The following FAM107B variants were observed in gnomAD, a reference collection of about 807,000 sequenced individuals.
FAM107B encodes the protein protein FAM107B.
FAM107B carries 21 observed loss-of-function variants against 31.5 expected under a neutral mutation model. That is an observed-to-expected ratio of 0.67 (90% CI 0.47 to 0.96). The LOEUF is 0.96. FAM107B is among the 40% of genes least tolerant of loss of function. FAM107B has a pLI of 0.00. For synonymous variants in FAM107B, 157 were observed against 141.5 expected, an observed-to-expected ratio of 1.11 and a Z score of -0.78; for missense variants, 452 against 377.1, an observed-to-expected ratio of 1.20 and a Z score of -1.64.
At chr10:14,702,509 A>C (rs1855424520) in intron 1 of FAM107B, among the ~76,000 whole-genome samples, 1 of 151,822 alleles carries the variant, frequency 6.6e-6, no homozygotes, top group African/African-American at 2.4e-5. Flanking sequence ...ACAACACCCA[A>C]ATACTTTTTT....
chr10:14,618,865 T>C (rs1852921217), intron 2 of FAM107B, among the ~76,000 whole-genome samples: 1 of 151,778 alleles, frequency 6.6e-6, no homozygotes, highest in South Asian at 2.1e-4. Flanking sequence ...GATGATGTAA[T>C]TAAGATGAGG....
At chr10:14,555,908 C>CACACAG (rs1849655453) in intron 2 of FAM107B, 1 of 154,186 alleles carries the variant, frequency 6.5e-6, no homozygotes, top group Non-Finnish European at 1.4e-5. Flanking sequence ...CACACACACA[C>CACACAG]ACACACACAC....
chr10:14,631,657 C>G (rs1018793122), intron 2 of FAM107B, among the ~76,000 whole-genome samples: 2 of 152,094 alleles, frequency 1.3e-5, no homozygotes, highest in African/African-American at 4.8e-5. Flanking sequence ...AAAAATGACC[C>G]CTCTTTTTTC....
chr10:14,654,535 T>C (rs958454780), intron 2 of FAM107B, among the ~76,000 whole-genome samples: 1 of 152,208 alleles, frequency 6.6e-6, no homozygotes, highest in African/African-American at 2.4e-5. Flanking sequence ...AGAGGTGATC[T>C]TAGCTAGTTT....
intron 2 of FAM107B, among the ~76,000 whole-genome samples, chr10:14,580,160 C>T (rs1187216767): frequency 6.6e-6 from 1 of 152,098 alleles, no homozygotes; most frequent in African/African-American, 2.4e-5. Context: ...GAGATCAAGA[C>T]CATCCTGGCT....
chr10:14,587,091 C>T (rs909562854), intron 2 of FAM107B, among the ~76,000 whole-genome samples: 1 of 152,204 alleles, frequency 6.6e-6, no homozygotes, highest in Non-Finnish European at 1.5e-5. Context: ...CACCTGTGTA[C>T]AGGCACTGTG....
At chr10:14,665,125 G>T (rs1000051841) in intron 2 of FAM107B, among the ~76,000 whole-genome samples, 1 of 152,182 alleles carries the variant, frequency 6.6e-6, no homozygotes, top group African/African-American at 2.4e-5. Flanking sequence ...AAAGTAATAA[G>T]CCTTTTATTG....
chr10:14,656,067 A>T (rs974615867), intron 2 of FAM107B, among the ~76,000 whole-genome samples: 11 of 152,182 alleles, frequency 7.2e-5, no homozygotes, highest in African/African-American at 2.4e-4. Flanking sequence ...GATATAAACA[A>T]TTGATATTTT....
At chr10:14,542,391 A>C (rs1222873431) in intron 2 of FAM107B, among the ~76,000 whole-genome samples, 1 of 151,332 alleles carries the variant, frequency 6.6e-6, no homozygotes, top group Non-Finnish European at 1.5e-5. Context: ...TCCCCTTTAC[A>C]CTCCTGCAGG....
At chr10:14,647,282 G>A (rs1283823541) in intron 2 of FAM107B, among the ~76,000 whole-genome samples, 3 of 152,222 alleles carry the variant, frequency 2.0e-5, no homozygotes, top group Admixed American at 1.3e-4. Context: ...GCTCAATTTA[G>A]TTGTATGCTG....
At chr10:14,552,508 A>G (rs1373297607) in intron 2 of FAM107B, among the ~76,000 whole-genome samples, 1 of 152,074 alleles carries the variant, frequency 6.6e-6, no homozygotes, top group Non-Finnish European at 1.5e-5. Context: ...CAGGAGAAAT[A>G]CATAGCCTTT....
chr10:14,611,087 C>T (rs936137123), intron 2 of FAM107B, among the ~76,000 whole-genome samples: 1 of 152,188 alleles, frequency 6.6e-6, no homozygotes, highest in Non-Finnish European at 1.5e-5. Context: ...CAAAGATCTG[C>T]ATTTTACGTT....
At chr10:14,729,012 A>T (rs1262819459) in intron 1 of FAM107B, among the ~76,000 whole-genome samples, 2 of 151,852 alleles carry the variant, frequency 1.3e-5, no homozygotes, top group East Asian at 2.0e-4. Context: ...GTTTTTTTTT[A>T]AATGGGGTCT....
At chr10:14,684,618 T>C (rs1854927854) in intron 1 of FAM107B, among the ~76,000 whole-genome samples, 2 of 152,114 alleles carry the variant, frequency 1.3e-5, no homozygotes, top group South Asian at 2.1e-4. Context: ...GACAACAGCA[T>C]TGTGCCAAAA....
At chr10:14,552,827 A>T (rs528447835) in intron 2 of FAM107B, among the ~76,000 whole-genome samples, 194 of 152,292 alleles carry the variant, frequency 1.3e-3, no homozygotes, top group African/African-American at 4.4e-3. Context: ...CCATTAAAAA[A>T]AAAAGTCATT....
chr10:14,693,440 T>G (rs774445162), intron 1 of FAM107B, among the ~76,000 whole-genome samples: 36 of 148,566 alleles, frequency 2.4e-4, no homozygotes, highest in Non-Finnish European at 3.4e-4. Context: ...ATGGTGCCAC[T>G]GCACTCCAGC....
At chr10:14,536,201 A>G (rs1403181451) in intron 2 of FAM107B, among the ~76,000 whole-genome samples, 1 of 152,264 alleles carries the variant, frequency 6.6e-6, no homozygotes, top group Non-Finnish European at 1.5e-5. Flanking sequence ...ACCTAAATAT[A>G]TAAGACCTAA....
At chr10:14,563,945 G>A (rs1023115739) in intron 2 of FAM107B, among the ~76,000 whole-genome samples, 5 of 150,994 alleles carry the variant, frequency 3.3e-5, no homozygotes, top group African/African-American at 1.2e-4. Flanking sequence ...ATAAAACAAT[G>A]TGAAACATTC....
At chr10:14,645,891 C>T (rs1328015492) in intron 2 of FAM107B, among the ~76,000 whole-genome samples, 2 of 152,080 alleles carry the variant, frequency 1.3e-5, no homozygotes, top group African/African-American at 4.8e-5. Flanking sequence ...GGTGATTTTA[C>T]AGTTTTGTTG....
Sources: allele counts gnomAD v4.1 joint callset (sites outside exome capture counted in the v4.1 genomes callset), GRCh38; gene constraint gnomAD v4.1.1; transcripts MANE v1.5; gene names NCBI Gene and HGNC (gene_info 2026-07-23, HGNC 2026-07-21).